RASA2: variants seen among roughly 807,000 people sequenced by gnomAD.
The protein encoded by RASA2 is ras GTPase-activating protein 2.
Under a neutral mutation model 118.2 loss-of-function variants are expected in RASA2, and 155 were observed. The observed-to-expected ratio is 1.31, with a 90% CI of 1.15 to 1.50. The LOEUF (loss-of-function observed/expected upper bound fraction) is 1.50. RASA2 is among the 40% of genes most tolerant of loss of function. The probability of loss-of-function intolerance (pLI) is 0.00; values close to 1 mark genes in which losing one functional copy is unlikely to be tolerated. For missense variants in RASA2, 1,016 were observed against 1,009.6 expected, an observed-to-expected ratio of 1.01 and a Z score of -0.09; for synonymous variants, 353 against 349.1, an observed-to-expected ratio of 1.01 and a Z score of -0.12.
At chr3:141,582,578 C>T (rs537235724) in intron 17 of RASA2, among the ~76,000 whole-genome samples, 1 of 152,218 alleles carries the variant, frequency 6.6e-6, no homozygotes, top group Admixed American at 6.5e-5. Flanking sequence ...TTAAGGGTTC[C>T]AGGAGTTTAG....
chr3:141,491,511 A>G (rs533397234), intron 1 of RASA2, among the ~76,000 whole-genome samples: 9 of 152,354 alleles, frequency 5.9e-5, no homozygotes, highest in African/African-American at 2.2e-4. Context: ...TGCCTAGAAC[A>G]GAATAGGCCT....
chr3:141,601,560 A>G (rs2083464692), intron 19 of RASA2, among the ~76,000 whole-genome samples: 1 of 152,142 alleles, frequency 6.6e-6, no homozygotes, highest in Admixed American at 6.5e-5. Flanking sequence ...AGCACTGAAC[A>G]TTTTTCTTAA....
At chr3:141,608,764 A>G (rs368566302) in intron 21 of RASA2, 67 bp downstream of exon 21, 141 of 1,486,778 alleles carry the variant, frequency 9.5e-5, no homozygotes, top group Non-Finnish European at 1.3e-4. Context: ...TGTTAATATT[A>G]TTTGTCCATG....
intron 9 of RASA2, among the ~76,000 whole-genome samples, chr3:141,562,204 G>A (rs887119949): frequency 5.3e-5 from 8 of 151,156 alleles, no homozygotes; most frequent in African/African-American, 1.7e-4. Flanking sequence ...CGCCCACTTC[G>A]GCCTCCCAAA....
intron 19 of RASA2, among the ~76,000 whole-genome samples, chr3:141,587,259 G>T (rs1577793910): frequency 6.6e-6 from 1 of 152,236 alleles, no homozygotes; most frequent in East Asian, 1.9e-4. Flanking sequence ...AATTTGCCTT[G>T]TGAGAAGACT....
intron 19 of RASA2, chr3:141,590,076 A>T: frequency 2.2e-6 from 1 of 453,744 alleles, no homozygotes. Context: ...TGTTTTAACT[A>T]TTTTGATGGA....
In RASA2 at chr3:141,591,747, C is replaced by G. The variant is rs188500204; in HGVS notation, c.1933+4995C>G. On this transcript the variant is annotated intron_variant, in intron 19 of 23. Coordinates refer to ENST00000286364, the MANE Select transcript of RASA2 (RefSeq NM_006506.5). ...ACATTAAATGCCCTAGCTTATATAG[C>G]CAGCCCTACCCTAGCTCATATAGCC... Among the ~76,000 whole-genome samples the G allele has an allele frequency of 3.8e-3, 581 of 152,220 alleles. 3 individuals carry two copies. Among genetic ancestry groups the G allele is most frequent in the African/African-American group, 0.014 (561 of 41,524 alleles).
At chr3:141,532,762 TA>T (rs2082276365) in intron 4 of RASA2, among the ~76,000 whole-genome samples, 1 of 152,148 alleles carries the variant, frequency 6.6e-6, no homozygotes, top group Admixed American at 6.6e-5. Context: ...CTTTAAACTG[TA>T]GACCTCCCCC....
At position 141,543,864 on chromosome 3, in the gene RASA2, T is replaced by C. The variant is rs183364053; in HGVS notation, c.527+3255T>C. Among the ~76,000 whole-genome samples the C allele has an allele frequency of 6.1e-3, 858 of 140,886 alleles. 5 individuals carry two copies. Among genetic ancestry groups the C allele is most frequent in the Non-Finnish European group, 9.9e-3 (649 of 65,742 alleles). 92.4% of individuals were successfully genotyped at this position (140,886 alleles called of 152,430 possible). On this transcript the variant is annotated intron_variant, in intron 5 of 23. Transcript: ENST00000286364. Reference sequence around the variant, plus strand: ...AGATTTCTTTTCTTTTTTCTTTCTTTCTTTCTTTTTTCTTTTTTTTTTTTT... The same window carrying C: ...AGATTTCTTTTCTTTTTTCTTTCTTCCTTTCTTTTTTCTTTTTTTTTTTTT...
intron 19 of RASA2, chr3:141,600,250 G>T (rs2107792512): frequency 1.9e-6 from 1 of 515,376 alleles, no homozygotes; most frequent in Non-Finnish European, 3.9e-6. Context: ...GAAAGAAGGA[G>T]GACACCCTGT....
chr3:141,537,581 C>T (rs765282696), intron 4 of RASA2, among the ~76,000 whole-genome samples: 3 of 152,070 alleles, frequency 2.0e-5, no homozygotes, highest in Non-Finnish European at 2.9e-5. Context: ...CCAGCCTGGC[C>T]AACATGGTGA....
At chr3:141,568,237 C>G (rs2082854302) in intron 9 of RASA2, among the ~76,000 whole-genome samples, 1 of 151,912 alleles carries the variant, frequency 6.6e-6, no homozygotes, top group African/African-American at 2.4e-5. Flanking sequence ...AAAGTAGTTT[C>G]AAAGAGTTAA....
chr3:141,549,511 G>GTGTGTT (rs2082541161), intron 5 of RASA2, among the ~76,000 whole-genome samples: 1 of 151,656 alleles, frequency 6.6e-6, no homozygotes, highest in Non-Finnish European at 1.5e-5. Context: ...GTGTGTGTGT[G>GTGTGTT]TGTTTGCAAT....
chr3:141,572,743 C>A lies in RASA2; in HGVS notation c.1284+20C>A. On this transcript the variant is annotated intron_variant, in intron 12 of 23. Transcript: ENST00000286364. ...GATGAGGTACAGAATATATCTCCAA[C>A]AATGATAGTTTGTGGCCTTATGATA... is the stretch of plus-strand genomic sequence containing the variant. 1.3e-6 allele frequency: 2 copies of A among 1,500,998 alleles called. No homozygotes were observed. Among genetic ancestry groups the A allele is most frequent in the Non-Finnish European group, 9.2e-7 (1 of 1,089,946 alleles). 93.0% of individuals were successfully genotyped at this position (1,500,998 alleles called of 1,614,324 possible). A position where few individuals can be genotyped will look rare whatever the true frequency, so the allele number is the denominator to read the frequency against.
Position 141,572,656 on chromosome 3 carries a change from T to C in RASA2, c.1217T>C (p.Leu406Pro). ...GGAAATTCCCTGGCTACCCGATGTC[T>C]GGATGAGATGATGAAAATAGTGGGA... ...FRGNSLATRC[L>P]DEMMKIVGGH... Residue 406 changes from leucine to proline, a missense_variant, in exon 12 of 24, where the codon CTG becomes CCG. Around this residue, in one of 2 missense-constraint regions of RASA2, gnomAD observed 896 missense variants for 836.4 expected, o/e 1.07. Transcript: ENST00000286364. The C allele has an allele frequency of 6.2e-7, 1 of 1,613,636 alleles. No individual in the cohort carries two copies. The highest frequency in any genetic ancestry group is 8.5e-7 in the Non-Finnish European group (1 of 1,179,762).
chr3:141,576,880 T>C, intron 14 of RASA2, 120 bp from the exon 15 acceptor site: 1 of 521,230 alleles, frequency 1.9e-6, no homozygotes, highest in South Asian at 3.8e-5. Context: ...ATCAACTCAG[T>C]TCTTACTAGA....
At chr3:141,525,569 G>T (rs1355570029) in intron 3 of RASA2, among the ~76,000 whole-genome samples, 2 of 152,094 alleles carry the variant, frequency 1.3e-5, no homozygotes, top group African/African-American at 4.8e-5. Flanking sequence ...ACTTTGGGAG[G>T]CCAAGGCAGT....
At chr3:141,497,502 A>G (rs2081720955) in intron 1 of RASA2, among the ~76,000 whole-genome samples, 1 of 152,172 alleles carries the variant, frequency 6.6e-6, no homozygotes, top group Non-Finnish European at 1.5e-5. Flanking sequence ...CTGCAAAACA[A>G]GAGTAATCAA....
chr3:141,589,371 G>A lies in RASA2; in HGVS notation c.1933+2619G>A, dbSNP rs191997986. 3.6e-3 allele frequency among the ~76,000 whole-genome samples: 552 copies of A among 151,772 alleles called. 3 individuals carry two copies. Among genetic ancestry groups the A allele is most frequent in the African/African-American group, 0.013 (527 of 41,382 alleles). On this transcript the variant is annotated intron_variant, in intron 19 of 23. Transcript: ENST00000286364. The stretch of plus-strand genomic sequence containing the variant: ...AAACCAATATTCTGAAGTATTTTTC[G>A]GTTTATAATCTTCTTTAAGAATTAG...
Sources: allele counts gnomAD v4.1 joint callset (sites outside exome capture counted in the v4.1 genomes callset), GRCh38; gene constraint gnomAD v4.1.1; regional missense constraint gnomAD v4.1.1; transcripts MANE v1.5; gene names NCBI Gene and HGNC (gene_info 2026-07-23, HGNC 2026-07-21).